The following SLX4IP variants were observed in gnomAD, a reference collection of about 807,000 sequenced individuals.
The protein encoded by SLX4IP is SLX4 interacting protein, also known as protein SLX4IP.
Under a neutral mutation model 32.9 loss-of-function variants are expected in SLX4IP, and 34 were observed. The ratio of observed to expected loss-of-function variants is 1.03; its 90% CI spans 0.79 to 1.38. SLX4IP has a LOEUF of 1.38. SLX4IP is among the 40% of genes most tolerant of loss of function. SLX4IP has a pLI of 0.00. For missense variants in SLX4IP, 444 were observed against 479.0 expected (o/e 0.93, Z 0.68); for synonymous variants, 172 against 171.7 (o/e 1.00, Z -0.01).
rs537845105 is a variant in SLX4IP, at chr20:10,500,288, C to T, written c.27+42057C>T. 3.9e-5 allele frequency among the ~76,000 whole-genome samples: 6 copies of T among 151,976 alleles called. No individual in the cohort carries two copies. In the South Asian group the frequency reaches 8.3e-4, roughly 21 times the overall value. ...GATTACAGGTGCCCGCCACCACACC[C>T]GGCTAATTTTTTGTATTTTTAGTAG... is the stretch of plus-strand genomic sequence containing the variant. On this transcript the variant is annotated intron_variant, in intron 2 of 7. Transcript: ENST00000334534.
At chr20:10,477,591 G>A (rs1420075055) in intron 2 of SLX4IP, among the ~76,000 whole-genome samples, 5 of 151,930 alleles carry the variant, frequency 3.3e-5, no homozygotes, top group Admixed American at 3.3e-4. Flanking sequence ...TTAGGCTATT[G>A]CACAGTTGTC....
intron 2 of SLX4IP, among the ~76,000 whole-genome samples, chr20:10,488,412 A>G (rs973665435): frequency 2.0e-5 from 3 of 152,170 alleles, no homozygotes; most frequent in Admixed American, 6.5e-5. Flanking sequence ...CCTCATATCC[A>G]TACTCAGAAG....
At chr20:10,440,427 C>T (rs1043751532) in intron 1 of SLX4IP, among the ~76,000 whole-genome samples, 6 of 151,680 alleles carry the variant, frequency 4.0e-5, no homozygotes, top group African/African-American at 7.3e-5. Context: ...TGCGCTTTAG[C>T]CTGGGTGACA....
At chr20:10,532,542 G>T (rs1050955628) in intron 2 of SLX4IP, among the ~76,000 whole-genome samples, 3 of 152,086 alleles carry the variant, frequency 2.0e-5, no homozygotes. Flanking sequence ...GCAGGGTGTT[G>T]TCATGTGGAC....
chr20:10,488,236 C>A (rs1731370440), intron 2 of SLX4IP, among the ~76,000 whole-genome samples: 1 of 152,096 alleles, frequency 6.6e-6, no homozygotes, highest in Non-Finnish European at 1.5e-5. Context: ...CTAGGGTGAA[C>A]CCTAAACCAA....
In SLX4IP at chr20:10,474,730, A is replaced by G. The variant is rs1046435887; in HGVS notation, c.27+16499A>G. ...CTCCCTTACCACTATGTTGCAGCCAAACTTCCGAAGTGAAAAGCAGTTTAT... is the reference window on the plus strand; with the variant it reads ...CTCCCTTACCACTATGTTGCAGCCAGACTTCCGAAGTGAAAAGCAGTTTAT... On this transcript the variant is annotated intron_variant, in intron 2 of 7. Transcript: ENST00000334534. 3.3e-5 allele frequency among the ~76,000 whole-genome samples: 5 copies of G among 152,292 alleles called. No individual in the cohort carries two copies. In the South Asian group the frequency reaches 8.3e-4, roughly 25 times the overall value.
chr20:10,543,264 C>T lies in SLX4IP; in HGVS notation c.28-12967C>T, dbSNP rs74628967. On this transcript the variant is annotated intron_variant, in intron 2 of 7. Transcript: ENST00000334534. Reference sequence around the variant, plus strand: ...ATGACTCCAACGTTTTTGACCTGAACTGGAAGAATGGAGTTACAATTAGTT... The same window carrying T: ...ATGACTCCAACGTTTTTGACCTGAATTGGAAGAATGGAGTTACAATTAGTT... 2.7e-3 allele frequency among the ~76,000 whole-genome samples: 407 copies of T among 152,244 alleles called. 2 individuals carry two copies. Among genetic ancestry groups the T allele is most frequent in the African/African-American group, 9.4e-3 (390 of 41,534 alleles).
At chr20:10,448,306 T>A (rs2065217395) in intron 1 of SLX4IP, among the ~76,000 whole-genome samples, 1 of 152,158 alleles carries the variant, frequency 6.6e-6, no homozygotes, top group African/African-American at 2.4e-5. Context: ...TACTGTTGAT[T>A]TTTGGATTCT....
At chr20:10,514,869 G>A (rs1011723422) in intron 2 of SLX4IP, among the ~76,000 whole-genome samples, 1 of 152,140 alleles carries the variant, frequency 6.6e-6, no homozygotes, top group African/African-American at 2.4e-5. Flanking sequence ...TGCATCCGCT[G>A]TATGTCAGGT....
intron 5 of SLX4IP, among the ~76,000 whole-genome samples, chr20:10,599,927 C>T (rs2066821493): frequency 1.3e-5 from 2 of 152,080 alleles, no homozygotes; most frequent in African/African-American, 2.4e-5. Context: ...ATCTGCCATT[C>T]GAACATTGTT....
rs2066526358 is a variant in SLX4IP, at chr20:10,576,611, A to G, written c.238+15791A>G. Among the ~76,000 whole-genome samples, 3 of 152,216 alleles carry G rather than the reference A, an allele frequency of 2.0e-5. No individual in the cohort carries two copies. The South Asian group carries it at 6.2e-4, about 32-fold the overall frequency. On this transcript the variant is annotated intron_variant, in intron 4 of 7. Transcript: ENST00000334534. ...AAACTAACTCCACATGATCTCACGC[A>G]TAAAAAATGAATGCCTGGAAAAGAT...
intron 2 of SLX4IP, among the ~76,000 whole-genome samples, chr20:10,466,856 TA>T (rs34904076): frequency 2.7e-5 from 4 of 148,876 alleles, no homozygotes; most frequent in East Asian, 2.0e-4. Context: ...GAGATTTTAT[TA>T]AAAAAAAAAG....
chr20:10,613,105 G>A (rs534580411), intron 6 of SLX4IP: 11 of 339,094 alleles, frequency 3.2e-5, no homozygotes, highest in African/African-American at 1.7e-4. Context: ...CGCAGAAAGC[G>A]GCATGAACAG....
At chr20:10,544,271 T>G (rs576500873) in intron 2 of SLX4IP, among the ~76,000 whole-genome samples, 1 of 152,314 alleles carries the variant, frequency 6.6e-6, no homozygotes, top group South Asian at 2.1e-4. Flanking sequence ...CTTTTTCCCT[T>G]TGGATTTTCA....
intron 2 of SLX4IP, among the ~76,000 whole-genome samples, chr20:10,540,068 CTTTT>C (rs2066086142): frequency 7.3e-6 from 1 of 137,464 alleles, no homozygotes; most frequent in South Asian, 2.4e-4. Context: ...TGTTTTCTTT[CTTTT>C]CTTTCTTTTC....
At chr20:10,561,794 C>T (rs920179628) in intron 4 of SLX4IP, among the ~76,000 whole-genome samples, 4 of 152,196 alleles carry the variant, frequency 2.6e-5, no homozygotes, top group African/African-American at 9.6e-5. Flanking sequence ...GAATAATAGT[C>T]TCAAGTCCCA....
At chr20:10,500,468 G>T (rs958857745) in intron 2 of SLX4IP, among the ~76,000 whole-genome samples, 1 of 152,102 alleles carries the variant, frequency 6.6e-6, no homozygotes, top group South Asian at 2.1e-4. Flanking sequence ...GAAAAAGATG[G>T]GGCCAGGCAT....
chr20:10,468,985 AT>A (rs1231385810), intron 2 of SLX4IP, among the ~76,000 whole-genome samples: 3 of 152,160 alleles, frequency 2.0e-5, no homozygotes, highest in African/African-American at 7.2e-5. Flanking sequence ...TGGAAGAAGA[AT>A]TGTCTTGGGC....
chr20:10,560,795 A>G lies in SLX4IP; in HGVS notation c.213A>G (p.Thr71=), dbSNP rs769684364. The change falls in exon 4 of 8, where the codon ACA becomes ACG. Residue 71 remains threonine, a synonymous_variant. Coordinates refer to ENST00000334534, the MANE Select transcript of SLX4IP (RefSeq NM_001009608.3). ...ACAGGCCATCAAATGCAGAATTCAC[A>G]AGATCCAATCCCTTGTCCTTAAAAG... ...KQHRPSNAEF[T]RSNPLSLKGY... is the part of the protein sequence containing the mutation. The G allele has an allele frequency of 6.2e-7, 1 of 1,607,188 alleles. No individual in the cohort carries two copies.
Sources: allele counts gnomAD v4.1 joint callset (sites outside exome capture counted in the v4.1 genomes callset), GRCh38; gene constraint gnomAD v4.1.1; transcripts MANE v1.5; gene names NCBI Gene and HGNC (gene_info 2026-07-23, HGNC 2026-07-21).